EMILIN1: variants seen among roughly 807,000 people sequenced by gnomAD.
EMILIN1 encodes elastin microfibril interfacer 1.
Under a neutral mutation model 82.4 loss-of-function variants are expected in EMILIN1, and 49 were observed. The ratio of observed to expected loss-of-function variants is 0.59; its 90% CI spans 0.47 to 0.75. The LOEUF (loss-of-function observed/expected upper bound fraction) is 0.75, where lower values mean the gene tolerates loss of function less well. EMILIN1 is among the 30% of genes least tolerant of loss of function. The probability of loss-of-function intolerance (pLI) is 0.00; values close to 1 mark genes in which losing one functional copy is unlikely to be tolerated. For missense variants in EMILIN1, 1,313 were observed against 1,366.4 expected (o/e 0.96, Z 0.62); for synonymous variants, 604 against 602.2 (o/e 1.00, Z -0.04).
At position 27,080,757 on chromosome 2, in the gene EMILIN1, T is replaced by C. The variant is rs1462356062; in HGVS notation, c.316T>C (p.Tyr106His). The C allele has an allele frequency of 6.2e-7, 1 of 1,613,696 alleles. No individual in the cohort carries two copies. Among genetic ancestry groups the C allele is most frequent in the Non-Finnish European group, 8.5e-7 (1 of 1,179,926 alleles). The change falls in exon 3 of 8, where the codon TAC (tyrosine) becomes CAC (histidine). Residue 106 changes from tyrosine to histidine, a missense_variant. Tyr to His is a moderately conservative substitution (Grantham distance 83). Transcript: ENST00000380320. ...IMYRRFLRPR[Y>H]RVAYKTVTDM... ...GTACCGCCGCTTCCTCCGCCCTCGC[T>C]ACCGTGTGGCCTACAAGACAGTGAC...
chr2:27,082,584 G>A lies in EMILIN1; in HGVS notation c.1013G>A (p.Arg338Gln), dbSNP rs1221862588. Residue 338 changes from arginine (R) to glutamine (Q), a missense_variant, in exon 4 of 8, where the codon CGG becomes CAG. By Grantham distance (43) the Arg-to-Gln change is conservative (BLOSUM62 1). Transcript: ENST00000380320. ...CTGGCCTCGGTGGAGGAGCGGCAAC[G>A]GCACCTCGCAGGGCTGGCGGTGGGC... ...KLLASVEERQ[R>Q]HLAGLAVGRR... is the part of the protein sequence containing the mutation. The A allele has an allele frequency of 1.8e-5, 27 of 1,542,576 alleles. No individual in the cohort carries two copies. Among genetic ancestry groups the A allele is most frequent in the East Asian group, 2.5e-5 (1 of 40,810 alleles).
At position 27,079,014 on chromosome 2, in the gene EMILIN1, G is replaced by A. The variant is rs529554875; in HGVS notation, c.-52G>A. 5.9e-5 allele frequency: 83 copies of A among 1,412,000 alleles called. No individual in the cohort carries two copies. The highest frequency in any genetic ancestry group is 3.6e-4 in the African/African-American group (24 of 66,744). The allele number at this position is 1,412,000 out of a possible 1,614,324, so 87.5% of individuals were successfully genotyped here. ...CAGCATCCCCGGGGCCGGCAGAGGC[G>A]CCAGTGGCTGGGCGGGATGAGTCTC... is the stretch of plus-strand genomic sequence containing the variant. On this transcript the variant is annotated 5_prime_UTR_variant, in exon 1 of 8. Transcript: ENST00000380320.
chr2:27,085,038 AGAAGT>A, intron 6 of EMILIN1, 30 bp downstream of exon 6: 2 of 1,613,408 alleles, frequency 1.2e-6, no homozygotes, highest in Non-Finnish European at 1.7e-6. Context: ...TTCTGGAGGG[AGAAGT>A]GACTAGGGGT....
At chr2:27,081,030 C>T in intron 3 of EMILIN1, 78 bp downstream of exon 3, 2 of 1,140,440 alleles carry the variant, frequency 1.8e-6, no homozygotes, top group Non-Finnish European at 2.5e-6. Context: ...GGCCAGGCTG[C>T]TGGGGGAGTC....
Position 27,082,322 on chromosome 2 carries a change from G to T in EMILIN1, c.751G>T (p.Val251Phe), listed in dbSNP as rs530303705. 6.2e-7 allele frequency: 1 copy of T among 1,612,768 alleles called. No individual in the cohort carries two copies. Among genetic ancestry groups the T allele is most frequent in the Non-Finnish European group, 8.5e-7 (1 of 1,179,950 alleles). The change falls in exon 4 of 8, where the codon GTC (valine) becomes TTC (phenylalanine). Residue 251 changes from valine (V) to phenylalanine (F), a missense_variant. Val to Phe is a conservative substitution (Grantham distance 50). Coordinates refer to ENST00000380320, the MANE Select transcript of EMILIN1 (RefSeq NM_007046.4). ...CCAGCTGCAGCTCCTGGACACCCGC[G>T]TCTCCACCCACGACCAGGAGCTGGG... is the stretch of plus-strand genomic sequence containing the variant. ...QHQLQLLDTR[V>F]STHDQELGHL... is the part of the protein sequence containing the mutation.
In EMILIN1 at chr2:27,085,700, T is replaced by A; in HGVS notation, c.2736T>A (p.Ala912=). The A allele has an allele frequency of 6.2e-7, 1 of 1,601,658 alleles. No homozygotes were observed. The highest frequency in any genetic ancestry group is 1.3e-5 in the African/African-American group (1 of 74,856). The change falls in exon 8 of 8, where the codon GCT becomes GCA. Residue 912 remains alanine, a synonymous_variant. Coordinates refer to ENST00000380320, the MANE Select transcript of EMILIN1 (RefSeq NM_007046.4). ...PETGVFTAPL[A]GRYLLSAVLT... is the part of the protein sequence containing the mutation. Reference sequence around the variant, plus strand: ...CAGGCGTGTTCACAGCGCCACTGGCTGGACGCTACTTGCTGAGCGCGGTGC... The same window carrying A: ...CAGGCGTGTTCACAGCGCCACTGGCAGGACGCTACTTGCTGAGCGCGGTGC...
rs1443540701 is a variant in EMILIN1, at chr2:27,082,725, CAG to C, written c.1157_1158del (p.Glu386AlafsTer122). The C allele has an allele frequency of 6.5e-7, 1 of 1,549,232 alleles. No homozygotes were observed. The highest frequency in any genetic ancestry group is 1.9e-5 in the Admixed American group (1 of 52,760). On this transcript the variant is annotated frameshift_variant, in exon 4 of 8. Coordinates refer to ENST00000380320, the MANE Select transcript of EMILIN1 (RefSeq NM_007046.4). LOFTEE classifies it high-confidence loss of function. The stretch of plus-strand genomic sequence containing the variant: ...ACAGTGCTGAGTGGGCGGCGAGGCA[CAG>C]AGCTGGGAGGAGCCGCGGGGCAGGG...
Position 27,082,710 on chromosome 2 carries a change from G to C in EMILIN1, c.1139G>C (p.Ser380Thr), listed in dbSNP as rs1669503518. The C allele has an allele frequency of 6.4e-7, 1 of 1,551,904 alleles. No homozygotes were observed. The highest frequency in any genetic ancestry group is 1.9e-5 in the Admixed American group (1 of 53,214). Residue 380 changes from serine to threonine, a missense_variant, in exon 4 of 8, where the codon AGT (serine) becomes ACT (threonine). By Grantham distance (58) the Ser-to-Thr change is moderately conservative (BLOSUM62 1). Coordinates refer to ENST00000380320, the MANE Select transcript of EMILIN1 (RefSeq NM_007046.4). ...GTGGCCGGCTCAGTGACAGTGCTGA[G>C]TGGGCGGCGAGGCACAGAGCTGGGA... ...DVVAGSVTVL[S>T]GRRGTELGGA...
chr2:27,083,697 G>A lies in EMILIN1; in HGVS notation c.2126G>A (p.Gly709Asp), dbSNP rs1429553365. 1 of 1,613,892 alleles carries A rather than the reference G, an allele frequency of 6.2e-7. No homozygotes were observed. The highest frequency in any genetic ancestry group is 8.5e-7 in the Non-Finnish European group (1 of 1,179,880). Residue 709 changes from glycine to aspartate, a missense_variant, in exon 4 of 8, where the codon GGC becomes GAC. Physicochemically the swap from Gly to Asp is moderately conservative, Grantham distance 94 (BLOSUM62 -1). Transcript: ENST00000380320. ...HATESEERFR[G>D]LEEGQAQAGQ... is the part of the protein sequence containing the mutation. ...ACAGAGAGTGAAGAGCGCTTCCGAG[G>A]CCTAGAGGAGGGACAAGCACAGGCC...
intron 7 of EMILIN1, 98 bp from the exon 8 acceptor site, chr2:27,085,580 T>C: frequency 8.4e-7 from 1 of 1,185,498 alleles, no homozygotes; most frequent in South Asian, 1.5e-5. Flanking sequence ...CACATTCCAG[T>C]GAGGTGAAAA....
At position 27,084,444 on chromosome 2, in the gene EMILIN1, C is replaced by A. The variant is rs1254869357; in HGVS notation, c.2470C>A (p.Pro824Thr). The A allele has an allele frequency of 1.6e-5, 26 of 1,611,642 alleles. No homozygotes were observed. Among genetic ancestry groups the A allele is most frequent in the Non-Finnish European group, 2.2e-5 (26 of 1,178,890 alleles). The change falls in exon 5 of 8, where the codon CCT becomes ACT. Residue 824 changes from proline (P) to threonine (T), a missense_variant. By Grantham distance (38) the Pro-to-Thr change is conservative. Transcript: ENST00000380320. ...GPAGEAGPPG[P>T]PGLQGPPGPA... Reference sequence around the variant, plus strand: ...TGCAGGAGAGGCTGGGCCCCCAGGGCCTCCTGGGCTGCAGGGACCCCCAGG... The same window carrying A: ...TGCAGGAGAGGCTGGGCCCCCAGGGACTCCTGGGCTGCAGGGACCCCCAGG...
In EMILIN1 at chr2:27,082,585, G is replaced by A; in HGVS notation, c.1014G>A (p.Arg338=). Residue 338 remains arginine (R), a synonymous_variant, in exon 4 of 8, where the codon CGG becomes CGA. Coordinates refer to ENST00000380320, the MANE Select transcript of EMILIN1 (RefSeq NM_007046.4). ...KLLASVEERQ[R]HLAGLAVGRR... ...TGGCCTCGGTGGAGGAGCGGCAACG[G>A]CACCTCGCAGGGCTGGCGGTGGGCC... The A allele has an allele frequency of 6.5e-7, 1 of 1,542,488 alleles. No individual in the cohort carries two copies.
At chr2:27,085,627 T>C (rs1669600289) in intron 7 of EMILIN1, 51 bp from the exon 8 acceptor site, 9 of 1,511,438 alleles carry the variant, frequency 6.0e-6, no homozygotes, top group Non-Finnish European at 8.1e-6. Flanking sequence ...GGAGTTCTGG[T>C]GCGCTCCCCG....
Position 27,085,948 on chromosome 2 carries a change from CG to C in EMILIN1, c.2986del (p.Glu996ArgfsTer149). 55 of 1,517,078 alleles carry C rather than the reference CG, an allele frequency of 3.6e-5. No individual in the cohort carries two copies. The highest frequency in any genetic ancestry group is 1.6e-4 in the South Asian group (13 of 81,048). 94.0% of individuals were successfully genotyped at this position (1,517,078 alleles called of 1,614,324 possible). A position where few individuals can be genotyped will look rare whatever the true frequency, so the allele number is the denominator to read the frequency against. On this transcript the variant is annotated frameshift_variant, in exon 8 of 8. Coordinates refer to ENST00000380320, the MANE Select transcript of EMILIN1 (RefSeq NM_007046.4). LOFTEE classifies it high-confidence loss of function. ...VDLVMGQLAHSEEPLTIFSGA... is the reference protein window; with the variant it reads ...VDLVMGQLAHXEEPLTIFSGA... ...CTGGTCATGGGGCAGCTGGCGCACTCGGAGGAGCCGCTCACCATCTTCAGCG... is the reference window on the plus strand; with the variant it reads ...CTGGTCATGGGGCAGCTGGCGCACTCGAGGAGCCGCTCACCATCTTCAGCG...
At chr2:27,081,676 G>C (rs112123588) in intron 3 of EMILIN1, among the ~76,000 whole-genome samples, 1 of 152,146 alleles carries the variant, frequency 6.6e-6, no homozygotes. Context: ...TTATCCTTTC[G>C]CAGAAGAGGA....
Position 27,082,419 on chromosome 2 carries a change from C to G in EMILIN1, c.848C>G (p.Pro283Arg), listed in dbSNP as rs771515860. Residue 283 changes from proline (P) to arginine (R), a missense_variant, in exon 4 of 8, where the codon CCT becomes CGT. Coordinates refer to ENST00000380320, the MANE Select transcript of EMILIN1 (RefSeq NM_007046.4). ...AGGGCCCCAGCCCCAGCCTCAGCCC[C>G]TCCGGGCCCCAGTGAGGAGCTGCTG... ...GSRAPAPASA[P>R]PGPSEELLRQ... 20 of 1,603,988 alleles carry G rather than the reference C, an allele frequency of 1.2e-5. No individual in the cohort carries two copies. The highest frequency in any genetic ancestry group is 1.7e-5 in the Non-Finnish European group (20 of 1,177,212).
intron 7 of EMILIN1, 28 bp from the exon 8 acceptor site, chr2:27,085,650 C>T (rs748007361): frequency 2.4e-5 from 37 of 1,563,848 alleles, no homozygotes; most frequent in Non-Finnish European, 3.0e-5. Context: ...GCTTCCCTGG[C>T]CCCCCTGACT....
At chr2:27,080,695 AG>A (rs768953495) in intron 2 of EMILIN1, 36 bp from the exon 3 acceptor site, 2 of 1,559,132 alleles carry the variant, frequency 1.3e-6, no homozygotes, top group African/African-American at 2.7e-5. Context: ...CTGACCGTAC[AG>A]GGAGGAATAA....
chr2:27,084,889 C>A, intron 5 of EMILIN1, 102 bp from the exon 6 acceptor site: 1 of 1,117,698 alleles, frequency 8.9e-7, no homozygotes, highest in Admixed American at 1.7e-5. Context: ...GCTTTGAAGT[C>A]CACGTAGCAC....
Sources: allele counts gnomAD v4.1 joint callset (sites outside exome capture counted in the v4.1 genomes callset), GRCh38; gene constraint gnomAD v4.1.1; transcripts MANE v1.5; gene names NCBI Gene and HGNC (gene_info 2026-07-23, HGNC 2026-07-21).